STARD13: variants seen among roughly 807,000 people sequenced by gnomAD.
STARD13 encodes StAR related lipid transfer domain containing 13, also known as stAR-related lipid transfer protein 13.
A neutral mutation model predicts 106.4 loss-of-function variants in STARD13; 62 were observed. The ratio of observed to expected loss-of-function variants is 0.58; its 90% CI spans 0.48 to 0.72. The LOEUF is 0.72. STARD13 is among the 30% of genes least tolerant of loss of function. STARD13 has a pLI of 0.00. For synonymous variants in STARD13, 565 were observed against 553.0 expected (o/e 1.02, Z -0.31); for missense variants, 1,387 against 1,424.0 (o/e 0.97, Z 0.42).
At chr13:33,313,798 C>T (rs185960738) in intron 1 of STARD13, among the ~76,000 whole-genome samples, 123 of 152,306 alleles carry the variant, frequency 8.1e-4, no homozygotes, top group Non-Finnish European at 1.3e-3. Flanking sequence ...CTCTCCTTAG[C>T]TGACTGACTT....
At chr13:33,595,849 C>G in the STARD13 span, among the ~76,000 whole-genome samples, 6 of 152,286 alleles carry the variant, frequency 3.9e-5, no homozygotes, top group Middle Eastern at 3.4e-3. Flanking sequence ...CAAGACAGCT[C>G]TGTTAAAACA....
chr13:33,497,364 G>C, the STARD13 span, among the ~76,000 whole-genome samples: 3 of 152,148 alleles, frequency 2.0e-5, no homozygotes, highest in South Asian at 4.1e-4. Flanking sequence ...GCTGTACTCA[G>C]CCTGAAATTT....
At chr13:33,504,233 G>C in the STARD13 span, among the ~76,000 whole-genome samples, 3 of 152,098 alleles carry the variant, frequency 2.0e-5, no homozygotes, top group Non-Finnish European at 4.4e-5. Flanking sequence ...AATAACATTT[G>C]ACCCAGCCAT....
intron 1 of STARD13, among the ~76,000 whole-genome samples, chr13:33,186,779 C>CA (rs907047637): frequency 1.3e-4 from 19 of 151,504 alleles, no homozygotes; most frequent in South Asian, 8.4e-4. Flanking sequence ...CAAAATGAAA[C>CA]AAAAAAAACC....
chr13:33,192,092 C>G (rs1428538627), intron 1 of STARD13, among the ~76,000 whole-genome samples: 2 of 152,148 alleles, frequency 1.3e-5, no homozygotes, highest in African/African-American at 4.8e-5. Flanking sequence ...GCAATTAACC[C>G]GGTGTTAGGC....
chr13:33,126,525 C>T (rs759123170), intron 6 of STARD13, among the ~76,000 whole-genome samples: 13 of 152,160 alleles, frequency 8.5e-5, no homozygotes, highest in Non-Finnish European at 1.8e-4. Flanking sequence ...CTGTGATAGA[C>T]TTATTTCTCA....
At chr13:33,272,476 T>C (rs913706925) in intron 1 of STARD13, 1 of 152,212 alleles carries the variant, frequency 6.6e-6, no homozygotes, top group African/African-American at 2.4e-5. Context: ...AAAAGTCAAA[T>C]GACCAATCCA....
At chr13:33,641,405 G>T in the STARD13 span, among the ~76,000 whole-genome samples, 1 of 152,074 alleles carries the variant, frequency 6.6e-6, no homozygotes, top group South Asian at 2.1e-4. Flanking sequence ...TTTATGGCCA[G>T]TTTTTACACA....
the STARD13 span, among the ~76,000 whole-genome samples, chr13:33,444,355 T>C: frequency 6.6e-6 from 1 of 152,198 alleles, no homozygotes; most frequent in African/African-American, 2.4e-5. Context: ...ATAATTCTCA[T>C]GGAAAAAACA....
chr13:33,258,428 C>T (rs1594177395), intron 1 of STARD13, among the ~76,000 whole-genome samples: 1 of 151,144 alleles, frequency 6.6e-6, no homozygotes, highest in East Asian at 1.9e-4. Context: ...CTATGAAGAC[C>T]AGAAACACAC....
the STARD13 span, among the ~76,000 whole-genome samples, chr13:33,616,764 T>C: frequency 6.6e-6 from 1 of 152,242 alleles, no homozygotes; most frequent in Non-Finnish European, 1.5e-5. Flanking sequence ...AGTAATTACA[T>C]GGGTATTAAT....
the STARD13 span, among the ~76,000 whole-genome samples, chr13:33,607,072 A>G: frequency 6.6e-6 from 1 of 151,678 alleles, no homozygotes; most frequent in Non-Finnish European, 1.5e-5. Flanking sequence ...CAGGGATTAC[A>G]AAGTGGATAC....
intron 1 of STARD13, among the ~76,000 whole-genome samples, chr13:33,232,429 G>T (rs1013869426): frequency 4.0e-5 from 6 of 150,086 alleles, no homozygotes; most frequent in African/African-American, 1.5e-4. Context: ...TTTTTATCTG[G>T]GATTTGTTGA....
At chr13:33,208,088 TA>T (rs144327317) in intron 1 of STARD13, among the ~76,000 whole-genome samples, 1 of 152,156 alleles carries the variant, frequency 6.6e-6, no homozygotes, top group South Asian at 2.1e-4. Context: ...TAAATCCTTT[TA>T]AAAAACCTCC....
the STARD13 span, among the ~76,000 whole-genome samples, chr13:33,518,979 CAAACATCT>C: frequency 6.6e-6 from 1 of 152,066 alleles, no homozygotes; most frequent in Non-Finnish European, 1.5e-5. Flanking sequence ...TCTGCTTGAC[CAAACATCT>C]AAACCTCCTA....
At chr13:33,197,959 A>C (rs986140519) in intron 1 of STARD13, among the ~76,000 whole-genome samples, 1 of 152,224 alleles carries the variant, frequency 6.6e-6, no homozygotes, top group Non-Finnish European at 1.5e-5. Flanking sequence ...TCATGAGGTC[A>C]GGAGATCAAG....
At chr13:33,635,928 G>A in the STARD13 span, among the ~76,000 whole-genome samples, 136 of 151,992 alleles carry the variant, frequency 8.9e-4, no homozygotes, top group Middle Eastern at 6.8e-3. Context: ...AGCTTGCGGT[G>A]AGCTGAGATA....
chr13:33,254,723 A>G (rs1890255959), intron 1 of STARD13, among the ~76,000 whole-genome samples: 1 of 152,144 alleles, frequency 6.6e-6, no homozygotes, highest in Admixed American at 6.5e-5. Flanking sequence ...AAGAGGAGGG[A>G]TGTCTGAATG....
At chr13:33,281,112 G>A (rs73468162) in intron 1 of STARD13, 1 of 151,974 alleles carries the variant, frequency 6.6e-6, no homozygotes, top group Non-Finnish European at 1.5e-5. Flanking sequence ...GAGGATTCCA[G>A]AACCTGAGAC....
Sources: allele counts gnomAD v4.1 joint callset (sites outside exome capture counted in the v4.1 genomes callset), GRCh38; gene constraint gnomAD v4.1.1; transcripts MANE v1.5; gene names NCBI Gene and HGNC (gene_info 2026-07-23, HGNC 2026-07-21).